AP3B1: variants seen among roughly 807,000 people sequenced by gnomAD.
AP3B1 encodes the protein AP-3 complex subunit beta-1.
In AP3B1, 61 loss-of-function variants were observed where a neutral mutation model predicts 132.5. That is an observed-to-expected ratio of 0.46 (90% CI 0.37 to 0.57). The LOEUF is 0.57. Ranked by LOEUF, AP3B1 falls within the 20% of genes least tolerant of loss-of-function variation. The pLI is 0.00. For synonymous variants in AP3B1, 388 were observed against 438.3 expected, an observed-to-expected ratio of 0.89 and a Z score of 1.43; for missense variants, 1,120 against 1,289.4, an observed-to-expected ratio of 0.87 and a Z score of 2.01.
At chr5:78,051,970 T>C in intron 22 of AP3B1, among the ~76,000 whole-genome samples, 1 of 151,456 alleles carries the variant, frequency 6.6e-6, no homozygotes, top group Admixed American at 6.6e-5. Context: ...TTACCTTCAA[T>C]CCATTTCATT....
At chr5:78,176,002 C>A (rs78688327) in intron 9 of AP3B1, among the ~76,000 whole-genome samples, 164 bp from the exon 10 acceptor site, 1 of 152,034 alleles carries the variant, frequency 6.6e-6, no homozygotes, top group Admixed American at 6.5e-5. Flanking sequence ...GTCTTTTTAA[C>A]GCACTTTTCC....
intron 21 of AP3B1, among the ~76,000 whole-genome samples, chr5:78,094,520 A>G (rs1326836583): frequency 6.6e-6 from 1 of 152,056 alleles, no homozygotes; most frequent in Non-Finnish European, 1.5e-5. Context: ...GAAATAACCA[A>G]ATTGTTTTGT....
At chr5:78,158,231 G>C (rs1032148047) in intron 13 of AP3B1, among the ~76,000 whole-genome samples, 6 of 152,124 alleles carry the variant, frequency 3.9e-5, no homozygotes, top group African/African-American at 1.4e-4. Flanking sequence ...GCCGAGGCAG[G>C]AGGATGGCTT....
intron 11 of AP3B1, among the ~76,000 whole-genome samples, chr5:78,170,238 G>A (rs1444223989): frequency 6.6e-6 from 1 of 152,122 alleles, no homozygotes; most frequent in Non-Finnish European, 1.5e-5. Flanking sequence ...TGTCTTTATA[G>A]TAGCATGATT....
intron 2 of AP3B1, among the ~76,000 whole-genome samples, chr5:78,245,722 T>C (rs1747352131): frequency 6.6e-6 from 1 of 152,170 alleles, no homozygotes; most frequent in Non-Finnish European, 1.5e-5. Context: ...GTAAAAACCC[T>C]GTTCCTGGTC....
chr5:78,095,754 T>G (rs928249105), intron 21 of AP3B1, among the ~76,000 whole-genome samples: 1 of 152,226 alleles, frequency 6.6e-6, no homozygotes, highest in Admixed American at 6.5e-5. Flanking sequence ...CTAAAGTACC[T>G]TGCACTTAGC....
rs1746222356 is a variant in AP3B1, at chr5:78,002,348, T to G, written c.*554A>C. The G allele has an allele frequency of 2.8e-6, 1 of 361,222 alleles. No individual in the cohort carries two copies. The highest frequency in any genetic ancestry group is 4.9e-6 in the Non-Finnish European group (1 of 203,506). 22.4% of individuals were successfully genotyped at this position (361,222 alleles called of 1,614,324 possible). A position where few individuals can be genotyped will look rare whatever the true frequency, so the allele number is the denominator to read the frequency against. On this transcript the variant is annotated 3_prime_UTR_variant, in exon 27 of 27. Coordinates refer to ENST00000255194, the MANE Select transcript of AP3B1 (RefSeq NM_003664.5). Reference sequence around the variant, plus strand: ...AAATATGATTCATATGCTAGTTTATTTATCTTATTATTGAGAGATAATTTC... The same window carrying G: ...AAATATGATTCATATGCTAGTTTATGTATCTTATTATTGAGAGATAATTTC...
At chr5:78,092,436 CTGAAGTATTTAATTAGTAATGTGT>C (rs1351939385) in intron 21 of AP3B1, among the ~76,000 whole-genome samples, 1 of 151,968 alleles carries the variant, frequency 6.6e-6, no homozygotes, top group Non-Finnish European at 1.5e-5. Context: ...GGTGACTGTG[CTGAAGTATTTAATTAGTAATGTGT>C]AAAAACAAAG....
chr5:78,288,255 T>G (rs1749365217), intron 1 of AP3B1, among the ~76,000 whole-genome samples: 1 of 152,224 alleles, frequency 6.6e-6, no homozygotes, highest in Admixed American at 6.5e-5. Flanking sequence ...ATACTTGAAT[T>G]ACTGACGGTT....
intron 1 of AP3B1, among the ~76,000 whole-genome samples, chr5:78,293,616 AGACT>A (rs1749626553): frequency 6.6e-6 from 1 of 152,234 alleles, no homozygotes; most frequent in South Asian, 2.1e-4. Context: ...ATTTAGTGAC[AGACT>A]ATTATGTGAC....
chr5:78,093,565 T>C (rs916543025), intron 21 of AP3B1, among the ~76,000 whole-genome samples: 3 of 152,230 alleles, frequency 2.0e-5, no homozygotes, highest in Non-Finnish European at 2.9e-5. Context: ...TAAAAGTAGA[T>C]CTAATACAGT....
intron 18 of AP3B1, 33 bp downstream of exon 18, chr5:78,116,080 TAATCTACTATGTA>T (rs775834280): frequency 2.9e-6 from 4 of 1,360,748 alleles, no homozygotes; most frequent in Middle Eastern, 1.8e-4. Context: ...ATATAGAATG[TAATCTACTATGTA>T]AATAATATAT....
At chr5:78,116,626 GAAAGA>G (rs1751843372) in intron 17 of AP3B1, among the ~76,000 whole-genome samples, 2 of 151,242 alleles carry the variant, frequency 1.3e-5, no homozygotes, top group South Asian at 4.2e-4. Context: ...AAAAAAAAAA[GAAAGA>G]AAAGAAAATA....
chr5:78,113,205 A>G (rs1751672325), intron 19 of AP3B1, among the ~76,000 whole-genome samples: 1 of 152,242 alleles, frequency 6.6e-6, no homozygotes, highest in Non-Finnish European at 1.5e-5. Context: ...AGAGTTGCAC[A>G]ATCCAAGATA....
At chr5:78,072,101 A>T (rs934596717) in intron 22 of AP3B1, among the ~76,000 whole-genome samples, 1 of 152,190 alleles carries the variant, frequency 6.6e-6, no homozygotes, top group African/African-American at 2.4e-5. Flanking sequence ...TTTCAAATGT[A>T]TACAGGAGCA....
At chr5:78,128,465 T>C (rs1277019244) in intron 16 of AP3B1, among the ~76,000 whole-genome samples, 2 of 152,156 alleles carry the variant, frequency 1.3e-5, no homozygotes, top group African/African-American at 2.4e-5. Flanking sequence ...ACAATCCATA[T>C]ACATGTCTTG....
chr5:78,272,695 A>G (rs529400397), intron 1 of AP3B1, among the ~76,000 whole-genome samples: 1 of 152,382 alleles, frequency 6.6e-6, no homozygotes, highest in African/African-American at 2.4e-5. Context: ...CAATTTTAAT[A>G]GCACAGTTTG....
chr5:78,026,141 T>C (rs192640081), intron 24 of AP3B1, among the ~76,000 whole-genome samples: 18 of 152,332 alleles, frequency 1.2e-4, no homozygotes, highest in East Asian at 1.9e-4. Flanking sequence ...TTTCTACACA[T>C]AACTGCCTCA....
intron 3 of AP3B1, among the ~76,000 whole-genome samples, chr5:78,233,500 G>A (rs1033461978): frequency 3.3e-5 from 5 of 152,062 alleles, no homozygotes; most frequent in Non-Finnish European, 7.4e-5. Flanking sequence ...CTCCCAAAGT[G>A]CTGGGATTAC....
Sources: gnomAD v4.1 joint callset for allele counts (sites outside exome capture counted in the v4.1 genomes callset) on GRCh38, gnomAD v4.1.1 for gene constraint, MANE v1.5 for transcripts, NCBI Gene and HGNC (gene_info 2026-07-23, HGNC 2026-07-21) for gene names.